BIRC6: variants seen among roughly 807,000 people sequenced by gnomAD.
BIRC6 encodes the protein baculoviral IAP repeat containing 6, also known as dual E2 ubiquitin-conjugating enzyme/E3 ubiquitin-protein ligase BIRC6.
A neutral mutation model predicts 503.3 loss-of-function variants in BIRC6; 98 were observed. The ratio of observed to expected loss-of-function variants is 0.19; its 90% CI spans 0.17 to 0.23. BIRC6 has a LOEUF of 0.23. Ranked by LOEUF, BIRC6 falls within the 10% of genes least tolerant of loss-of-function variation. BIRC6 has a pLI of 1.00. For synonymous variants in BIRC6, 2,240 were observed against 2,078.7 expected, an observed-to-expected ratio of 1.08 and a Z score of -2.11; for missense variants, 5,360 against 5,806.0, an observed-to-expected ratio of 0.92 and a Z score of 2.50.
In BIRC6 at chr2:32,449,597, A is replaced by G. The variant is rs116274473; in HGVS notation, c.4618+669A>G. Among the ~76,000 whole-genome samples the G allele has an allele frequency of 7.3e-3, 1,118 of 152,294 alleles. 7 individuals carry two copies. The highest frequency in any genetic ancestry group is 0.02 in the Middle Eastern group (6 of 294). On this transcript the variant is annotated intron_variant, in intron 22 of 73. Transcript: ENST00000421745. ...TACAAAAATGTTAGAAAATTTGCAA[A>G]CAGATTAAGGTAATAACCAGATATA...
chr2:32,462,814 G>A (rs1172783930), intron 23 of BIRC6, among the ~76,000 whole-genome samples: 2 of 151,984 alleles, frequency 1.3e-5, no homozygotes, highest in African/African-American at 4.8e-5. Context: ...AAATTAGCCA[G>A]GCATGGTGGT....
At chr2:32,608,650 C>G (rs2062639782) in intron 72 of BIRC6, among the ~76,000 whole-genome samples, 1 of 152,136 alleles carries the variant, frequency 6.6e-6, no homozygotes, top group Non-Finnish European at 1.5e-5. Context: ...CTCCTGACCT[C>G]AGGTGATCCA....
intron 57 of BIRC6, among the ~76,000 whole-genome samples, chr2:32,520,343 T>C (rs1167615297): frequency 6.6e-6 from 1 of 152,196 alleles, no homozygotes; most frequent in Non-Finnish European, 1.5e-5. Flanking sequence ...TTTCCTACCG[T>C]TTTACAACTT....
In BIRC6 at chr2:32,569,661, C is replaced by T. The variant is rs114700559; in HGVS notation, c.13145-5495C>T. On this transcript the variant is annotated intron_variant, in intron 65 of 73. Transcript: ENST00000421745. Reference sequence around the variant, plus strand: ...TGCTGTGATTTCAGGCATGAGCCACCACACTTGTTCATTTTTTTTTTTTTC... The same window carrying T: ...TGCTGTGATTTCAGGCATGAGCCACTACACTTGTTCATTTTTTTTTTTTTC... Among the ~76,000 whole-genome samples the T allele has an allele frequency of 3.1e-3, 466 of 151,670 alleles. 4 individuals are homozygous for T. Among genetic ancestry groups the T allele is most frequent in the African/African-American group, 0.011 (451 of 41,246 alleles).
intron 16 of BIRC6, 23 bp from the exon 17 acceptor site, chr2:32,441,306 T>TATTTGTTATTATATGTTATTTTAAATAA (rs2045407856): frequency 7.1e-7 from 1 of 1,403,006 alleles, no homozygotes; most frequent in African/African-American, 1.5e-5. Flanking sequence ...TTTTTAAAAT[T>TATTTGTTATTATATGTTATTTTAAATAA]CATTATTATT....
At chr2:32,459,108 C>CA (rs2047555747) in intron 23 of BIRC6, among the ~76,000 whole-genome samples, 2 of 152,008 alleles carry the variant, frequency 1.3e-5, no homozygotes, top group Non-Finnish European at 2.9e-5. Flanking sequence ...AAATAAAACT[C>CA]ACAGTGTTAT....
chr2:32,472,982 TG>T, intron 32 of BIRC6, 129 bp from the exon 33 acceptor site: 1 of 712,370 alleles, frequency 1.4e-6, no homozygotes. Flanking sequence ...TTCTTTACAA[TG>T]TTTTTCTTAT....
intron 3 of BIRC6, among the ~76,000 whole-genome samples, chr2:32,383,427 C>T (rs2037983727): frequency 6.6e-6 from 1 of 152,194 alleles, no homozygotes; most frequent in South Asian, 2.1e-4. Flanking sequence ...TTACCTGTTC[C>T]TTATTAGCTC....
chr2:32,611,325 T>C (rs552197015), intron 72 of BIRC6, 123 bp from the exon 73 acceptor site: 1 of 489,494 alleles, frequency 2.0e-6, no homozygotes, highest in South Asian at 9.8e-5. Flanking sequence ...AATTTAAATG[T>C]ATTTATAGAA....
chr2:32,476,175 C>T lies in BIRC6; in HGVS notation c.6721-38C>T, dbSNP rs144732825. On this transcript the variant is annotated intron_variant, in intron 33 of 73. Coordinates refer to ENST00000421745, the MANE Select transcript of BIRC6 (RefSeq NM_016252.4). ...AGTATAATAATTTTTTTGTTTTTAA[C>T]GTTGTTAAAGATTAAGTTGTTTATT... is the stretch of plus-strand genomic sequence containing the variant. 1.4e-4 allele frequency: 214 copies of T among 1,477,094 alleles called. No individual in the cohort carries two copies. In the African/African-American group the frequency reaches 2.5e-3, roughly 17 times the overall value. 91.5% of individuals were successfully genotyped at this position (1,477,094 alleles called of 1,614,324 possible). A position where few individuals can be genotyped will look rare whatever the true frequency, so the allele number is the denominator to read the frequency against.
chr2:32,467,891 T>G lies in BIRC6; in HGVS notation c.5572-12T>G, dbSNP rs948827536. 5 of 1,597,518 alleles carry G rather than the reference T, an allele frequency of 3.1e-6. No homozygotes were observed. The highest frequency in any genetic ancestry group is 1.7e-5 in the Admixed American group (1 of 58,402). ...ATGTGTATATATGTATATTTATAAT[T>G]TTTCATTTCAGATCACTGTTATTGG... is the stretch of plus-strand genomic sequence containing the variant. On this transcript the variant is annotated splice_polypyrimidine_tract_variant and intron_variant, in intron 27 of 73. Coordinates refer to ENST00000421745, the MANE Select transcript of BIRC6 (RefSeq NM_016252.4).
intron 55 of BIRC6, among the ~76,000 whole-genome samples, chr2:32,517,876 T>G (rs770924549): frequency 5.1e-4 from 77 of 152,180 alleles, no homozygotes; most frequent in Non-Finnish European, 5.7e-4. Context: ...CTTGGCCTTG[T>G]TATATATTTT....
chr2:32,393,586 A>T (rs560714924), intron 5 of BIRC6, among the ~76,000 whole-genome samples: 1 of 152,278 alleles, frequency 6.6e-6, no homozygotes, highest in African/African-American at 2.4e-5. Context: ...ATCACAGCTC[A>T]CTGTGCCACA....
chr2:32,391,259 G>T (rs971049622), intron 4 of BIRC6, among the ~76,000 whole-genome samples: 7 of 152,162 alleles, frequency 4.6e-5, no homozygotes, highest in Non-Finnish European at 1.0e-4. Context: ...TATTAATTTT[G>T]ATACAGACTG....
At chr2:32,580,325 A>G (rs953098690) in intron 66 of BIRC6, among the ~76,000 whole-genome samples, 2 of 152,230 alleles carry the variant, frequency 1.3e-5, no homozygotes, top group Non-Finnish European at 1.5e-5. Context: ...AGGAAAATCA[A>G]TCCAGATTTG....
chr2:32,589,776 C>G (rs1186598343), intron 66 of BIRC6, among the ~76,000 whole-genome samples: 1 of 152,130 alleles, frequency 6.6e-6, no homozygotes, highest in African/African-American at 2.4e-5. Context: ...TGTGGCAACT[C>G]TATTTAACAG....
chr2:32,460,761 G>C (rs1407315320), intron 23 of BIRC6, among the ~76,000 whole-genome samples: 4 of 151,690 alleles, frequency 2.6e-5, no homozygotes, highest in African/African-American at 7.3e-5. Context: ...AGTTTTCCCT[G>C]TGTTATTTGG....
rs1005123138 is a variant in BIRC6 at position 32,370,791 on chromosome 2, T to C, written c.326-6797T>C. 3.3e-5 allele frequency among the ~76,000 whole-genome samples: 5 copies of C among 152,286 alleles called. No homozygotes were observed. The East Asian group carries it at 9.6e-4, about 29-fold the overall frequency. On this transcript the variant is annotated intron_variant, in intron 1 of 73. Transcript: ENST00000421745. The stretch of plus-strand genomic sequence containing the variant: ...AGGCTTGTATCTTCTTTATTGACTT[T>C]GAATGATCTTTGCATATAGTACCTT...
Position 32,611,569 on chromosome 2 carries a change from C to T in BIRC6, c.14381C>T (p.Ala4794Val). Residue 4794 changes from alanine (A) to valine (V), a missense_variant, in exon 73 of 74, where the codon GCA (alanine) becomes GTA (valine). By Grantham distance (64) the Ala-to-Val change is moderately conservative. Coordinates refer to ENST00000421745, the MANE Select transcript of BIRC6 (RefSeq NM_016252.4). ...KRVGRTMSHH[A>V]AALKRHTAQL... Reference sequence around the variant, plus strand: ...GTAGGCAGGACTATGTCTCACCATGCAGCAGCTCTCAAGGTGAGTAAGCCT... The same window carrying T: ...GTAGGCAGGACTATGTCTCACCATGTAGCAGCTCTCAAGGTGAGTAAGCCT... 1 of 1,584,600 alleles carries T rather than the reference C, an allele frequency of 6.3e-7. No individual in the cohort carries two copies. The highest frequency in any genetic ancestry group is 8.6e-7 in the Non-Finnish European group (1 of 1,162,536).
Sources: gnomAD v4.1 joint callset for allele counts (sites outside exome capture counted in the v4.1 genomes callset) on GRCh38, gnomAD v4.1.1 for gene constraint, MANE v1.5 for transcripts, NCBI Gene and HGNC (gene_info 2026-07-23, HGNC 2026-07-21) for gene names.